EDRF1: variants seen among roughly 807,000 people sequenced by gnomAD.
The protein encoded by EDRF1 is erythroid differentiation-related factor 1.
Under a neutral mutation model 148.7 loss-of-function variants are expected in EDRF1, and 69 were observed. The observed-to-expected ratio is 0.46, with a 90% CI of 0.38 to 0.57. EDRF1 has a LOEUF of 0.57. Among genes scored for constraint, EDRF1 ranks in the 20% least tolerant of loss-of-function variants. The pLI is 0.00. For missense variants in EDRF1, 1,118 were observed against 1,478.7 expected, an observed-to-expected ratio of 0.76 and a Z score of 4.00; for synonymous variants, 515 against 532.8, an observed-to-expected ratio of 0.97 and a Z score of 0.46.
intron 17 of EDRF1, chr10:125,741,558 C>T (rs1849021455): frequency 3.4e-6 from 1 of 296,644 alleles, no homozygotes; most frequent in Non-Finnish European, 6.7e-6. Context: ...TTATTCATTT[C>T]CTAATTTTAA....
Position 125,747,797 on chromosome 10 carries a change from C to T in EDRF1, c.2974-66C>T, listed in dbSNP as rs935197679. ...TTTTCCCTAATAAGCAGTATTTAAA[C>T]GTTTTAAAAACTCCTACAGTCAGAT... On this transcript the variant is annotated intron_variant, in intron 20 of 24. Coordinates refer to ENST00000356792, the MANE Select transcript of EDRF1 (RefSeq NM_001202438.2). The T allele has an allele frequency of 2.5e-6, 4 of 1,609,096 alleles. No homozygotes were observed. In the African/African-American group the frequency reaches 4.0e-5, roughly 16 times the overall value.
intron 24 of EDRF1, chr10:125,761,248 T>C: frequency 2.4e-6 from 1 of 409,008 alleles, no homozygotes; most frequent in Non-Finnish European, 4.9e-6. Flanking sequence ...CATTTCATCA[T>C]CATATGACAA....
At chr10:125,744,464 A>G (rs575655218) in intron 18 of EDRF1, among the ~76,000 whole-genome samples, 2 of 152,308 alleles carry the variant, frequency 1.3e-5, no homozygotes, top group East Asian at 3.9e-4. Flanking sequence ...GATTACAGGC[A>G]TGAGCCACTG....
At chr10:125,750,359 A>G (rs1849578538) in intron 22 of EDRF1, 1 of 152,186 alleles carries the variant, frequency 6.6e-6, no homozygotes, top group Non-Finnish European at 1.5e-5. Flanking sequence ...TTCTTATGTT[A>G]TTTTCCATGG....
At chr10:125,738,568 A>C in intron 15 of EDRF1, 123 bp downstream of exon 15, 1 of 1,170,270 alleles carries the variant, frequency 8.5e-7, no homozygotes, top group Non-Finnish European at 1.2e-6. Flanking sequence ...TATCCTGTGA[A>C]CTGGAATTAG....
At chr10:125,738,564 G>C (rs1848851955) in intron 15 of EDRF1, 119 bp downstream of exon 15, 7 of 1,215,548 alleles carry the variant, frequency 5.8e-6, no homozygotes, top group Non-Finnish European at 7.1e-6. Context: ...AAGATATCCT[G>C]TGAACTGGAA....
At chr10:125,730,237 T>C (rs1234729069) in intron 8 of EDRF1, 51 bp from the exon 9 acceptor site, 1 of 1,378,164 alleles carries the variant, frequency 7.3e-7, no homozygotes, top group Non-Finnish European at 1.0e-6. Flanking sequence ...AGATGATTAA[T>C]TAAGGAACAT....
chr10:125,729,683 C>T (rs1020326978), intron 8 of EDRF1, among the ~76,000 whole-genome samples: 1 of 152,158 alleles, frequency 6.6e-6, no homozygotes, highest in Non-Finnish European at 1.5e-5. Flanking sequence ...TTTTCCCCTC[C>T]CTCCTTCCCC....
At chr10:125,756,776 TA>T (rs995989786) in intron 24 of EDRF1, 4 of 416,352 alleles carry the variant, frequency 9.6e-6, no homozygotes, top group African/African-American at 8.4e-5. Context: ...TAGGTGGCAA[TA>T]GTTGGGTCTT....
intron 17 of EDRF1, chr10:125,742,855 C>T: frequency 1.1e-6 from 1 of 880,078 alleles, no homozygotes; most frequent in Non-Finnish European, 1.4e-6. Flanking sequence ...TTTTATCCAA[C>T]ATTAATATCC....
At chr10:125,749,152 C>T (rs1412675537) in intron 21 of EDRF1, 1 of 439,772 alleles carries the variant, frequency 2.3e-6, no homozygotes, top group Non-Finnish European at 4.1e-6. Flanking sequence ...GAGGCTGAGG[C>T]AGGGGAATTG....
rs181847053 is a variant in EDRF1 at position 125,735,247 on chromosome 10, T to C, written c.1498-397T>C. ...TATGATAAATATTAGTTACCTATTA[T>C]AGAGAAACTTGAATTAATTTATAGT... On this transcript the variant is annotated intron_variant, in intron 12 of 24. Transcript: ENST00000356792. Among the ~76,000 whole-genome samples, 4 of 152,270 alleles carry C rather than the reference T, an allele frequency of 2.6e-5. No homozygotes were observed. In the East Asian group the frequency reaches 5.8e-4, roughly 22 times the overall value.
At chr10:125,744,795 G>A (rs1849250192) in intron 18 of EDRF1, 1 of 152,186 alleles carries the variant, frequency 6.6e-6, no homozygotes, top group Non-Finnish European at 1.5e-5. Flanking sequence ...GTGTTGTACA[G>A]TAGACCCCAC....
At chr10:125,732,176 A>G (rs1275807397) in intron 9 of EDRF1, among the ~76,000 whole-genome samples, 1 of 152,088 alleles carries the variant, frequency 6.6e-6, no homozygotes, top group Non-Finnish European at 1.5e-5. Flanking sequence ...CTTGATTGAA[A>G]ACCACTGTTA....
intron 15 of EDRF1, among the ~76,000 whole-genome samples, chr10:125,739,122 T>TAA (rs543903978): frequency 3.4e-5 from 5 of 145,248 alleles, no homozygotes; most frequent in Non-Finnish European, 6.1e-5. Flanking sequence ...TTCAATTGTT[T>TAA]AAAAAAAAAA....
chr10:125,747,756 T>C, intron 20 of EDRF1, 62 bp downstream of exon 20: 1 of 1,611,022 alleles, frequency 6.2e-7, no homozygotes, highest in Non-Finnish European at 8.5e-7. Context: ...TTAACAAATA[T>C]TTAGCGTCTG....
chr10:125,746,218 A>G (rs1385649166), intron 19 of EDRF1, among the ~76,000 whole-genome samples: 1 of 152,240 alleles, frequency 6.6e-6, no homozygotes, highest in Admixed American at 6.5e-5. Flanking sequence ...GTGAAACTGT[A>G]AAAGTATTAG....
chr10:125,721,558 A>G (rs1765270934), intron 2 of EDRF1, 146 bp downstream of exon 2: 1 of 801,774 alleles, frequency 1.2e-6, no homozygotes, highest in African/African-American at 1.7e-5. Flanking sequence ...AAGGCTTTTT[A>G]TTCTGATAAT....
intron 24 of EDRF1, among the ~76,000 whole-genome samples, chr10:125,754,157 A>T (rs1554876484): frequency 6.6e-6 from 1 of 151,712 alleles, no homozygotes; most frequent in Non-Finnish European, 1.5e-5. Context: ...TGGAGGTTGC[A>T]GCGAGCTGAA....
Sources: gnomAD v4.1 joint callset for allele counts (sites outside exome capture counted in the v4.1 genomes callset) on GRCh38, gnomAD v4.1.1 for gene constraint, MANE v1.5 for transcripts, NCBI Gene and HGNC (gene_info 2026-07-23, HGNC 2026-07-21) for gene names.